The following RASGEF1C variants were observed in gnomAD, a reference collection of about 807,000 sequenced individuals.
RASGEF1C encodes RasGEF domain family member 1C.
In RASGEF1C, 27 loss-of-function variants were observed where a neutral mutation model predicts 58.1. The ratio of observed to expected loss-of-function variants is 0.46; its 90% confidence interval spans 0.34 to 0.64. The LOEUF (loss-of-function observed/expected upper bound fraction) is 0.64. Among genes scored for constraint, RASGEF1C ranks in the 30% least tolerant of loss-of-function variants. The pLI is 0.01. For synonymous variants in RASGEF1C, 243 were observed against 246.3 expected, an observed-to-expected ratio of 0.99 and a Z score of 0.13; for missense variants, 502 against 605.1, an observed-to-expected ratio of 0.83 and a Z score of 1.79.
At chr5:180,121,197 A>G (rs750886519) in intron 6 of RASGEF1C, 48 bp from the exon 7 acceptor site, 3 of 1,325,826 alleles carry the variant, frequency 2.3e-6, no homozygotes, top group East Asian at 2.3e-5. Context: ...CTTTTTGTCT[A>G]TCATCTTTTA....
chr5:180,174,708 C>A (rs1221055589), intron 1 of RASGEF1C, among the ~76,000 whole-genome samples: 3 of 152,154 alleles, frequency 2.0e-5, no homozygotes, highest in Non-Finnish European at 2.9e-5. Flanking sequence ...TGGGTGCAGG[C>A]CCCTCTCTGG....
At chr5:180,113,201 C>CGG (rs1765994026) in intron 11 of RASGEF1C, among the ~76,000 whole-genome samples, 3 of 77,810 alleles carry the variant, frequency 3.9e-5, no homozygotes, top group Admixed American at 1.3e-4. Flanking sequence ...CCAGGATGGA[C>CGG]AGAGGGACCG....
rs150337926 is a variant in RASGEF1C at position 180,183,469 on chromosome 5, A to C, written c.-7+25559T>G. Among the ~76,000 whole-genome samples the C allele has an allele frequency of 1.3e-3, 174 of 138,510 alleles. No homozygotes were observed. The Middle Eastern group carries it at 0.022, about 17-fold the overall frequency. The allele number at this position is 138,510 out of a possible 152,430, so 90.9% of individuals were successfully genotyped here. A position where few individuals can be genotyped will look rare whatever the true frequency, so the allele number is the denominator to read the frequency against. On this transcript the variant is annotated intron_variant, in intron 1 of 13. Transcript: ENST00000361132. ...ACATAAGCTAGAATCATAAAAAAAA[A>C]CCCAATTAATTCAAAAGAAGTCAGA...
intron 10 of RASGEF1C, among the ~76,000 whole-genome samples, chr5:180,116,326 C>T (rs1416023127): frequency 6.6e-6 from 1 of 152,134 alleles, no homozygotes. Flanking sequence ...GCAGTTGCCG[C>T]CCACAGACAG....
intron 6 of RASGEF1C, among the ~76,000 whole-genome samples, chr5:180,125,061 A>G (rs1167626261): frequency 6.6e-6 from 1 of 152,116 alleles, no homozygotes; most frequent in Non-Finnish European, 1.5e-5. Context: ...TGAGCCCGGG[A>G]GGTTGAGGCT....
In RASGEF1C at chr5:180,156,205, A is replaced by G. The variant is rs1025640805; in HGVS notation, c.-6-18147T>C. Among the ~76,000 whole-genome samples, 8 of 151,980 alleles carry G rather than the reference A, an allele frequency of 5.3e-5. No homozygotes were observed. Among genetic ancestry groups the G allele is most frequent in the African/African-American group, 1.9e-4 (8 of 41,346 alleles). On this transcript the variant is annotated intron_variant, in intron 1 of 13. Transcript: ENST00000361132. The surrounding 1 kb of genome is among the most constrained non-coding windows in gnomAD (Gnocchi z 4.9). ...GTATTTATCCCCAAATACCCTGCCTAGTTTGACAGCAGAGGGCAGGTGCAT... is the reference window on the plus strand; with the variant it reads ...GTATTTATCCCCAAATACCCTGCCTGGTTTGACAGCAGAGGGCAGGTGCAT...
chr5:180,142,617 G>T (rs1372644741), intron 1 of RASGEF1C, among the ~76,000 whole-genome samples: 1 of 152,154 alleles, frequency 6.6e-6, no homozygotes, highest in South Asian at 2.1e-4. Context: ...CGGAGTGGCT[G>T]TGGCCGCTGC....
chr5:180,111,881 A>G (rs1388139806), intron 11 of RASGEF1C, among the ~76,000 whole-genome samples: 3 of 152,230 alleles, frequency 2.0e-5, no homozygotes, highest in Non-Finnish European at 4.4e-5. Flanking sequence ...ATATTTAAGT[A>G]AGACTTAAGT....
intron 1 of RASGEF1C, among the ~76,000 whole-genome samples, chr5:180,159,197 C>T (rs188413278): frequency 0.019 from 2,844 of 150,432 alleles, 96 homozygotes; most frequent in African/African-American, 0.065. Context: ...TGGAGTGCAA[C>T]GGCGCGATCT....
rs149184913 is a variant in RASGEF1C, at chr5:180,106,036, G to A, written c.1304-3893C>T. ...CCCAGGAGGAACCCAGTGGGATGAC[G>A]TGTGATTTCATCACACTACTCAGAA... On this transcript the variant is annotated intron_variant, in intron 12 of 13. Transcript: ENST00000361132. Among the ~76,000 whole-genome samples, 82 of 152,268 alleles carry A rather than the reference G, an allele frequency of 5.4e-4. No homozygotes were observed. The East Asian group carries it at 0.011, about 21-fold the overall frequency.
chr5:180,174,495 T>C (rs997619338), intron 1 of RASGEF1C, among the ~76,000 whole-genome samples: 3 of 134,008 alleles, frequency 2.2e-5, no homozygotes, highest in Admixed American at 7.3e-5. Flanking sequence ...TGTGCGCGTG[T>C]GTGTCTGTGT....
chr5:180,109,660 G>A (rs536517054), intron 12 of RASGEF1C, among the ~76,000 whole-genome samples: 97 of 152,276 alleles, frequency 6.4e-4, no homozygotes, highest in Non-Finnish European at 1.1e-3. Flanking sequence ...ATAAGAGGAC[G>A]GCAAAGGGAG....
intron 1 of RASGEF1C, among the ~76,000 whole-genome samples, chr5:180,201,338 C>T (rs943977544): frequency 6.6e-6 from 1 of 152,092 alleles, no homozygotes; most frequent in Non-Finnish European, 1.5e-5. Flanking sequence ...CAAGGACCTA[C>T]GGAAGCAAAA....
At chr5:180,201,364 T>C (rs1756392155) in intron 1 of RASGEF1C, among the ~76,000 whole-genome samples, 1 of 151,922 alleles carries the variant, frequency 6.6e-6, no homozygotes, top group Non-Finnish European at 1.5e-5. Context: ...TATTGTAAAC[T>C]CAGAAAACAC....
At chr5:180,170,521 C>T (rs905043521) in intron 1 of RASGEF1C, among the ~76,000 whole-genome samples, 1 of 152,192 alleles carries the variant, frequency 6.6e-6, no homozygotes. Flanking sequence ...CCAGCCCCCG[C>T]GCTACGCAGC....
intron 4 of RASGEF1C, among the ~76,000 whole-genome samples, chr5:180,132,676 G>A (rs1336318890): frequency 2.0e-5 from 3 of 152,200 alleles, no homozygotes; most frequent in African/African-American, 7.2e-5. Context: ...GGGCGAGTTA[G>A]AAAGCAAGAC....
chr5:180,124,661 C>T (rs1408055654), intron 6 of RASGEF1C, among the ~76,000 whole-genome samples: 3 of 151,820 alleles, frequency 2.0e-5, no homozygotes, highest in African/African-American at 7.3e-5. Flanking sequence ...CCTATCTCTA[C>T]TAAAAATACA....
intron 1 of RASGEF1C, among the ~76,000 whole-genome samples, chr5:180,149,086 T>G (rs1401626223): frequency 2.1e-5 from 2 of 97,114 alleles, no homozygotes; most frequent in Non-Finnish European, 4.0e-5. Flanking sequence ...TTCTTTTTTT[T>G]TCTTTTTTTT....
intron 1 of RASGEF1C, among the ~76,000 whole-genome samples, chr5:180,202,706 C>CTT (rs1254362822): frequency 2.8e-5 from 4 of 140,736 alleles, no homozygotes; most frequent in Non-Finnish European, 3.1e-5. Flanking sequence ...ACAAGTCTTT[C>CTT]TTTTTTTTTT....
Sources: allele counts gnomAD v4.1 joint callset (sites outside exome capture counted in the v4.1 genomes callset), GRCh38; gene constraint gnomAD v4.1.1; non-coding constraint Gnocchi (gnomAD v3.1); transcripts MANE v1.5; gene names NCBI Gene and HGNC (gene_info 2026-07-23, HGNC 2026-07-21).